Variants in ZC3H12C observed in about 807,000 individuals in gnomAD.
ZC3H12C encodes probable ribonuclease ZC3H12C.
ZC3H12C carries 20 observed loss-of-function variants against 76.3 expected under a neutral mutation model. That is an observed-to-expected ratio of 0.26 (90% CI 0.18 to 0.38). The LOEUF (loss-of-function observed/expected upper bound fraction) is 0.38, where lower values mean the gene tolerates loss of function less well. Among genes scored for constraint, ZC3H12C ranks in the 10% least tolerant of loss-of-function variants. ZC3H12C has a pLI of 1.00. For missense variants in ZC3H12C, 874 were observed against 1,086.5 expected (o/e 0.80, Z 2.75); for synonymous variants, 352 against 399.6 (o/e 0.88, Z 1.42).
Position 110,165,480 on chromosome 11 carries a change from T to G in ZC3H12C, c.2395T>G (p.Ser799Ala). Residue 799 changes from serine (S) to alanine (A), a missense_variant, in exon 6 of 6, where the codon TCC becomes GCC. By Grantham distance (99) the Ser-to-Ala change is moderately conservative (BLOSUM62 1). Around this residue, in one of 3 missense-constraint regions of ZC3H12C, gnomAD observed 395 missense variants for 434.4 expected, o/e 0.91. Transcript: ENST00000278590. ...YRQTYSLPDN[S>A]TQPCYEQFTF... is the part of the protein sequence containing the mutation. Reference sequence around the variant, plus strand: ...GCAGACTTATTCCTTGCCCGATAACTCCACACAGCCGTGTTATGAGCAGTT... The same window carrying G: ...GCAGACTTATTCCTTGCCCGATAACGCCACACAGCCGTGTTATGAGCAGTT... The G allele has an allele frequency of 6.2e-7, 1 of 1,613,882 alleles. No individual in the cohort carries two copies. Among genetic ancestry groups the G allele is most frequent in the Non-Finnish European group, 8.5e-7 (1 of 1,179,866 alleles).
chr11:110,114,513 T>G (rs1446953461), intron 1 of ZC3H12C, among the ~76,000 whole-genome samples: 1 of 152,236 alleles, frequency 6.6e-6, no homozygotes, highest in East Asian at 1.9e-4. Context: ...CATCATCTCT[T>G]TCTCATAGTA....
At chr11:110,140,019 AG>A (rs540852782) in intron 2 of ZC3H12C, among the ~76,000 whole-genome samples, 9 of 152,070 alleles carry the variant, frequency 5.9e-5, no homozygotes, top group Non-Finnish European at 1.3e-4. Context: ...AATACAATTA[AG>A]GCCGGGCACA....
At chr11:110,151,556 G>C (rs1862270493) in intron 2 of ZC3H12C, among the ~76,000 whole-genome samples, 1 of 152,164 alleles carries the variant, frequency 6.6e-6, no homozygotes. Flanking sequence ...TGGTACATGT[G>C]TTCTCTCTAG....
At chr11:110,125,367 G>C (rs1861724318) in intron 1 of ZC3H12C, among the ~76,000 whole-genome samples, 1 of 151,472 alleles carries the variant, frequency 6.6e-6, no homozygotes, top group Non-Finnish European at 1.5e-5. Context: ...TGTCATACAG[G>C]CTGGAGTGCA....
chr11:110,136,348 C>T (rs925333349), intron 1 of ZC3H12C: 4 of 227,418 alleles, frequency 1.8e-5, no homozygotes, highest in Non-Finnish European at 2.6e-5. Flanking sequence ...TCTGATCCAT[C>T]GAGATTGAGA....
rs370337320 is a variant in ZC3H12C at position 110,166,790 on chromosome 11, G to A, written c.*1053G>A. ...GGCCTGAGGTGGGTTTATGTGTTGA[G>A]GTTATGCAACATTTCTTGATACTGC... is the stretch of plus-strand genomic sequence containing the variant. On this transcript the variant is annotated 3_prime_UTR_variant, in exon 6 of 6. Transcript: ENST00000278590. 6.6e-6 allele frequency: 1 copy of A among 152,262 alleles called. No homozygotes were observed. Among genetic ancestry groups the A allele is most frequent in the Admixed American group, 6.5e-5 (1 of 15,278 alleles). 9.4% of individuals were successfully genotyped at this position (152,262 alleles called of 1,614,324 possible). A position where few individuals can be genotyped will look rare whatever the true frequency, so the allele number is the denominator to read the frequency against.
intron 2 of ZC3H12C, among the ~76,000 whole-genome samples, chr11:110,139,701 G>T (rs1862034341): frequency 6.6e-6 from 1 of 152,026 alleles, no homozygotes; most frequent in Non-Finnish European, 1.5e-5. Context: ...CCAAACGAGG[G>T]AATAGTGAAG....
chr11:110,124,766 C>T (rs977486153), intron 1 of ZC3H12C, among the ~76,000 whole-genome samples: 2 of 150,064 alleles, frequency 1.3e-5, no homozygotes, highest in African/African-American at 2.4e-5. Context: ...GATGGAGCCT[C>T]GAAAACAAAA....
At chr11:110,161,543 T>C (rs906965189) in intron 4 of ZC3H12C, among the ~76,000 whole-genome samples, 3 of 152,186 alleles carry the variant, frequency 2.0e-5, no homozygotes, top group African/African-American at 7.2e-5. Context: ...AAAGAATATA[T>C]TTTCTCATTT....
chr11:110,106,272 A>AAAT (rs1861324450), intron 1 of ZC3H12C, among the ~76,000 whole-genome samples: 1 of 18,202 alleles, frequency 5.5e-5, no homozygotes, highest in South Asian at 1.0e-3. Context: ...CGTCTCAAAA[A>AAAT]AAATAAATAA....
intron 1 of ZC3H12C, among the ~76,000 whole-genome samples, chr11:110,097,977 T>C (rs1028022651): frequency 6.6e-6 from 1 of 152,224 alleles, no homozygotes; most frequent in Non-Finnish European, 1.5e-5. Flanking sequence ...TTTACTATAC[T>C]ATACTTTTTA....
rs536114686 is a variant in ZC3H12C at position 110,126,514 on chromosome 11, C to A, written c.22-10149C>A. Among the ~76,000 whole-genome samples the A allele has an allele frequency of 1.1e-4, 17 of 152,192 alleles. No homozygotes were observed. The South Asian group carries it at 3.5e-3, about 32-fold the overall frequency. On this transcript the variant is annotated intron_variant, in intron 1 of 5. Coordinates refer to ENST00000278590, the MANE Select transcript of ZC3H12C (RefSeq NM_033390.2). ...GGATTATAGGTGTGAGCCACTGCACCCAGTTGTTTTTCTTTCTTATTATTA... is the reference window on the plus strand; with the variant it reads ...GGATTATAGGTGTGAGCCACTGCACACAGTTGTTTTTCTTTCTTATTATTA...
intron 1 of ZC3H12C, among the ~76,000 whole-genome samples, chr11:110,112,999 CT>C (rs35232735): frequency 0.69 from 104,925 of 151,486 alleles, 36,572 homozygotes; most frequent in East Asian, 0.89. Flanking sequence ...TCGCCCCCCC[CT>C]ACCAAAAAAA....
intron 2 of ZC3H12C, among the ~76,000 whole-genome samples, chr11:110,138,572 T>A (rs1862013077): frequency 6.6e-6 from 1 of 152,092 alleles, no homozygotes; most frequent in African/African-American, 2.4e-5. Context: ...TTTTTTTTTT[T>A]TTTAAGACAA....
At chr11:110,107,774 C>T (rs1465307616) in intron 1 of ZC3H12C, among the ~76,000 whole-genome samples, 1 of 152,134 alleles carries the variant, frequency 6.6e-6, no homozygotes, top group African/African-American at 2.4e-5. Flanking sequence ...GATCCGCCCA[C>T]CTTGGCCTCT....
At chr11:110,156,739 C>G (rs985119213) in intron 3 of ZC3H12C, among the ~76,000 whole-genome samples, 2 of 152,184 alleles carry the variant, frequency 1.3e-5, no homozygotes, top group African/African-American at 4.8e-5. Flanking sequence ...GCCTCATGGG[C>G]TGGGTGCTGA....
intron 2 of ZC3H12C, among the ~76,000 whole-genome samples, chr11:110,146,977 G>A (rs949895836): frequency 1.3e-5 from 2 of 152,136 alleles, no homozygotes; most frequent in African/African-American, 4.8e-5. Flanking sequence ...TCACCCAACA[G>A]CAGCATTGCA....
chr11:110,165,510 T>C lies in ZC3H12C; in HGVS notation c.2425T>C (p.Phe809Leu). 4 of 1,613,984 alleles carry C rather than the reference T, an allele frequency of 2.5e-6. No homozygotes were observed. The highest frequency in any genetic ancestry group is 3.4e-6 in the Non-Finnish European group (4 of 1,179,874). The change falls in exon 6 of 6, where the codon TTC becomes CTC. Residue 809 changes from phenylalanine to leucine, a missense_variant. Around this residue, in one of 3 missense-constraint regions of ZC3H12C, gnomAD observed 395 missense variants for 434.4 expected, o/e 0.91. Coordinates refer to ENST00000278590, the MANE Select transcript of ZC3H12C (RefSeq NM_033390.2). ...STQPCYEQFT[F>L]QSLPEQQEPA... is the part of the protein sequence containing the mutation. Reference sequence around the variant, plus strand: ...ACAGCCGTGTTATGAGCAGTTCACCTTCCAGAGCCTCCCTGAGCAACAGGA... The same window carrying C: ...ACAGCCGTGTTATGAGCAGTTCACCCTCCAGAGCCTCCCTGAGCAACAGGA...
rs200541186 is a variant in ZC3H12C, at chr11:110,093,837, TCG to T, written c.21+413_21+414del. Among the ~76,000 whole-genome samples, 975 of 151,928 alleles carry T rather than the reference TCG, an allele frequency of 6.4e-3. 10 individuals are homozygous for T. Among genetic ancestry groups the T allele is most frequent in the South Asian group, 0.037 (177 of 4,808 alleles). ...ACTGCGCTGCCCCAGCGGCTCAGAC[TCG>T]CGCGCGCTCGTGGGGCGAGACATCT... On this transcript the variant is annotated intron_variant, in intron 1 of 5. Coordinates refer to ENST00000278590, the MANE Select transcript of ZC3H12C (RefSeq NM_033390.2).
Sources: gnomAD v4.1 joint callset for allele counts (sites outside exome capture counted in the v4.1 genomes callset) on GRCh38, gnomAD v4.1.1 for gene constraint, gnomAD v4.1.1 regional missense constraint, MANE v1.5 for transcripts, NCBI Gene and HGNC (gene_info 2026-07-23, HGNC 2026-07-21) for gene names.